The following SH3BGRL variants were observed in gnomAD, a reference collection of about 807,000 sequenced individuals.
The protein encoded by SH3BGRL is adapter SH3BGRL.
In SH3BGRL, 7 loss-of-function variants were observed where a neutral mutation model predicts 9.8. That is an observed-to-expected ratio of 0.72 (90% confidence interval 0.41 to 1.35). The LOEUF is 1.35. Among genes scored for constraint, SH3BGRL ranks in the 40% most tolerant of loss-of-function variants. The pLI is 0.01. For synonymous variants in SH3BGRL, 36 were observed against 29.1 expected (o/e 1.24, Z -0.76); for missense variants, 73 against 84.4 (o/e 0.86, Z 0.53).
chrX:81,240,474 C>T (rs978351178), intron 1 of SH3BGRL, among the ~76,000 whole-genome samples: 8 of 111,805 alleles, frequency 7.2e-5, no homozygotes, highest in Admixed American at 9.4e-5. Context: ...AATTAAATAG[C>T]GGGGCGTTAA....
chrX:81,242,118 T>A (rs1379868673), intron 1 of SH3BGRL, among the ~76,000 whole-genome samples: 1 of 111,007 alleles, frequency 9.0e-6, no homozygotes, highest in African/African-American at 3.3e-5. Context: ...AGCTACAGAG[T>A]TTTCTAGCTT....
chrX:81,254,106 T>G (rs1387234308), intron 1 of SH3BGRL, among the ~76,000 whole-genome samples: 1 of 112,147 alleles, frequency 8.9e-6, no homozygotes, highest in Non-Finnish European at 1.9e-5. Flanking sequence ...TTCTTGACAG[T>G]AGTTCTTATT....
At chrX:81,212,163 C>T (rs1009563940) in intron 1 of SH3BGRL, among the ~76,000 whole-genome samples, 2 of 109,934 alleles carry the variant, frequency 1.8e-5, no homozygotes, top group South Asian at 3.9e-4. Flanking sequence ...GGAGGCCCAG[C>T]GGGGGACGAT....
chrX:81,274,560 C>G, intron 1 of SH3BGRL, among the ~76,000 whole-genome samples: 1 of 109,300 alleles, frequency 9.1e-6, no homozygotes, highest in Non-Finnish European at 1.9e-5. Context: ...CCACTGCACT[C>G]TAGCCTGGGC....
intron 1 of SH3BGRL, among the ~76,000 whole-genome samples, chrX:81,276,399 A>G (rs2075798542): frequency 9.1e-6 from 1 of 110,306 alleles, no homozygotes; most frequent in African/African-American, 3.3e-5. Context: ...TTAGCAGCAC[A>G]TGATAAGGGC....
intron 1 of SH3BGRL, among the ~76,000 whole-genome samples, chrX:81,251,395 T>G (rs2075710149): frequency 9.0e-6 from 1 of 111,079 alleles, no homozygotes; most frequent in Non-Finnish European, 1.9e-5. Context: ...GATGAAAAAT[T>G]TCCTAATTGT....
chrX:81,288,579 C>T (rs7057403), intron 3 of SH3BGRL, among the ~76,000 whole-genome samples: 1,955 of 112,387 alleles, frequency 0.017, 47 homozygotes, highest in African/African-American at 0.059. Flanking sequence ...GATAAACAAA[C>T]TCAGTAAAGT....
At chrX:81,272,561 C>T (rs2075784452) in intron 1 of SH3BGRL, among the ~76,000 whole-genome samples, 1 of 101,050 alleles carries the variant, frequency 9.9e-6, no homozygotes, top group Admixed American at 1.1e-4. Context: ...AGTGCAGTGG[C>T]GAGATCTGGG....
intron 1 of SH3BGRL, among the ~76,000 whole-genome samples, chrX:81,271,760 T>C (rs775625702): frequency 3.6e-5 from 4 of 110,741 alleles, no homozygotes; most frequent in Non-Finnish European, 7.6e-5. Context: ...ACAAAGATAC[T>C]CCTCAAGAAG....
At chrX:81,238,819 A>AGAGAGAGG (rs2075657655) in intron 1 of SH3BGRL, among the ~76,000 whole-genome samples, 1 of 109,578 alleles carries the variant, frequency 9.1e-6, no homozygotes, top group Non-Finnish European at 1.9e-5. Context: ...AGAGAGAGAG[A>AGAGAGAGG]GAGAGAGGGA....
chrX:81,264,495 A>G (rs2075750289), intron 1 of SH3BGRL, among the ~76,000 whole-genome samples: 1 of 111,784 alleles, frequency 8.9e-6, no homozygotes, highest in South Asian at 3.7e-4. Context: ...TCCGTAAACG[A>G]TTTTATCCTG....
Position 81,277,019 on chromosome X carries a change from A to C in SH3BGRL, c.81A>C (p.Leu27=). 3 of 1,209,034 alleles carry C rather than the reference A, an allele frequency of 2.5e-6. No individual in the cohort carries two copies. Among genetic ancestry groups the C allele is most frequent in the Non-Finnish European group, 2.2e-6 (2 of 893,869 alleles). The change falls in exon 2 of 4, where the codon CTA becomes CTC. Residue 27 remains leucine, a synonymous_variant. Transcript: ENST00000373212. ...AACAACAAGATGTGCTTGGTTTCCT[A>C]GAAGCCAACAAAATAGGATTTGAAG... ...KKKQQDVLGF[L]EANKIGFEEK...
At chrX:81,224,988 T>C (rs2075612351) in intron 1 of SH3BGRL, among the ~76,000 whole-genome samples, 1 of 110,246 alleles carries the variant, frequency 9.1e-6, no homozygotes, top group African/African-American at 3.3e-5. Context: ...AAAAAAAAGG[T>C]GATGGTTCAG....
intron 1 of SH3BGRL, among the ~76,000 whole-genome samples, chrX:81,247,224 GT>G: frequency 8.9e-6 from 1 of 111,742 alleles, no homozygotes; most frequent in Non-Finnish European, 1.9e-5. Flanking sequence ...AGTGTTTAGG[GT>G]TTTCTAGGTG....
chrX:81,297,559 G>A lies in SH3BGRL; in HGVS notation c.*332G>A. 1 of 142,555 alleles carries A rather than the reference G, an allele frequency of 7.0e-6. No homozygotes were observed. The highest frequency in any genetic ancestry group is 2.9e-4 in the South Asian group (1 of 3,461). 11.7% of individuals were successfully genotyped at this position (142,555 alleles called of 1,213,427 possible). A position where few individuals can be genotyped will look rare whatever the true frequency, so the allele number is the denominator to read the frequency against. On this transcript the variant is annotated 3_prime_UTR_variant, in exon 4 of 4. Coordinates refer to ENST00000373212, the MANE Select transcript of SH3BGRL (RefSeq NM_003022.3). ...TTCTGCCATTACTATGGCAACTTAA[G>A]TGTATCTGCAGCTCTACATTAAAAA... is the stretch of plus-strand genomic sequence containing the variant.
intron 1 of SH3BGRL, among the ~76,000 whole-genome samples, chrX:81,238,144 T>G (rs2075654294): frequency 9.1e-6 from 1 of 110,054 alleles, no homozygotes. Flanking sequence ...AAGCTTAAGG[T>G]ACCCGCTTGG....
chrX:81,210,935 C>G (rs1434348550), intron 1 of SH3BGRL, among the ~76,000 whole-genome samples: 1 of 112,296 alleles, frequency 8.9e-6, no homozygotes. Flanking sequence ...TCAGCCTATA[C>G]TATTAGTTAG....
chrX:81,295,003 C>G (rs150877110), intron 3 of SH3BGRL, among the ~76,000 whole-genome samples: 1,561 of 112,189 alleles, frequency 0.014, 28 homozygotes, highest in African/African-American at 0.047. Context: ...CTGTATTTAC[C>G]CAATGCCTGT....
At chrX:81,220,245 A>G (rs1229958230) in intron 1 of SH3BGRL, among the ~76,000 whole-genome samples, 4 of 111,475 alleles carry the variant, frequency 3.6e-5, no homozygotes, top group Non-Finnish European at 7.6e-5. Flanking sequence ...GAAGCCCATC[A>G]GGTCCTGGCA....
Sources: gnomAD v4.1 joint callset for allele counts (sites outside exome capture counted in the v4.1 genomes callset) on GRCh38, gnomAD v4.1.1 for gene constraint, MANE v1.5 for transcripts, NCBI Gene and HGNC (gene_info 2026-07-23, HGNC 2026-07-21) for gene names.